KMT2A: variants seen among roughly 807,000 people sequenced by gnomAD.
The protein encoded by KMT2A is lysine methyltransferase 2A.
KMT2A carries 16 observed loss-of-function variants against 345.3 expected under a neutral mutation model. That is an observed-to-expected ratio of 0.05 (90% CI 0.03 to 0.07). The LOEUF (loss-of-function observed/expected upper bound fraction) is 0.07, where lower values mean the gene tolerates loss of function less well. Among genes scored for constraint, KMT2A ranks in the 10% least tolerant of loss-of-function variants. The pLI is 1.00. For missense variants in KMT2A, 3,272 were observed against 4,841.6 expected (o/e 0.68, Z 9.62); for synonymous variants, 1,599 against 1,778.6 (o/e 0.90, Z 2.54).
chr11:118,466,934 A>G (rs1284560961), intron 1 of KMT2A, among the ~76,000 whole-genome samples: 2 of 152,088 alleles, frequency 1.3e-5, no homozygotes, highest in East Asian at 3.9e-4. Flanking sequence ...TGGTGCATGT[A>G]TGTAGTCCGA....
intron 1 of KMT2A, among the ~76,000 whole-genome samples, chr11:118,437,961 C>G (rs1032436340): frequency 6.6e-6 from 1 of 152,116 alleles, no homozygotes; most frequent in Non-Finnish European, 1.5e-5. Context: ...AGCTGCTCTC[C>G]TACCCCACCC....
In KMT2A at chr11:118,519,489, C is replaced by G. The variant is rs1048364550; in HGVS notation, c.11147-129C>G. 6 of 693,102 alleles carry G rather than the reference C, an allele frequency of 8.7e-6. No homozygotes were observed. The South Asian group carries it at 1.4e-4, about 16-fold the overall frequency. The allele number at this position is 693,102 out of a possible 1,614,324, so 42.9% of individuals were successfully genotyped here. On this transcript the variant is annotated intron_variant, in intron 31 of 35. Coordinates refer to ENST00000534358, the MANE Select transcript of KMT2A (RefSeq NM_001197104.2). ...ATGGCTATCTGATGCTAATTTCGAGCTAATATGTACTATAATTCACCCTGG... is the reference window on the plus strand; with the variant it reads ...ATGGCTATCTGATGCTAATTTCGAGGTAATATGTACTATAATTCACCCTGG...
chr11:118,448,416 T>C (rs1375238688), intron 1 of KMT2A: 2 of 152,192 alleles, frequency 1.3e-5, no homozygotes, highest in Non-Finnish European at 2.9e-5. Flanking sequence ...CCTTGGCTTT[T>C]GAGGCTGTGT....
At chr11:118,511,698 T>A (rs1233617637) in intron 30 of KMT2A, among the ~76,000 whole-genome samples, 1 of 152,214 alleles carries the variant, frequency 6.6e-6, no homozygotes, top group African/African-American at 2.4e-5. Context: ...AGAGTTCATT[T>A]CAGAAGGTCT....
At position 118,485,910 on chromosome 11, in the gene KMT2A, G is replaced by A. The variant is rs189551520; in HGVS notation, c.4332+935G>A. 7.2e-3 allele frequency among the ~76,000 whole-genome samples: 1,101 copies of A among 151,986 alleles called. 17 individuals are homozygous for A. Among genetic ancestry groups the A allele is most frequent in the African/African-American group, 0.024 (1,013 of 41,468 alleles). ...ATCCTGGCTAACACAGTGAAACCCC[G>A]TCTCTATTAAAAATACAAAAAAATT... is the stretch of plus-strand genomic sequence containing the variant. On this transcript the variant is annotated intron_variant, in intron 10 of 35. Coordinates refer to ENST00000534358, the MANE Select transcript of KMT2A (RefSeq NM_001197104.2).
At chr11:118,488,476 A>G (rs782302975) in intron 10 of KMT2A, 138 bp from the exon 11 acceptor site, 2 of 853,316 alleles carry the variant, frequency 2.3e-6, no homozygotes, top group African/African-American at 3.3e-5. Context: ...TTACATAGTC[A>G]TTGCTTAATG....
At chr11:118,514,490 G>C (rs541880219) in intron 31 of KMT2A, among the ~76,000 whole-genome samples, 16 of 151,812 alleles carry the variant, frequency 1.1e-4, no homozygotes, top group Admixed American at 9.8e-4. Context: ...ACCCAGGCTG[G>C]AGTGCAGTGG....
chr11:118,459,784 T>C (rs1434279984), intron 1 of KMT2A, among the ~76,000 whole-genome samples: 2 of 141,190 alleles, frequency 1.4e-5, no homozygotes, highest in Non-Finnish European at 3.0e-5. Context: ...CGCCCCGGGT[T>C]CAAGCAATTC....
chr11:118,521,836 T>C lies in KMT2A; in HGVS notation c.11644-61T>C. ...GTAACATCAAGAGAAGATTGGGACA[T>C]GTTCTTAAAGCTGAGTTTATAAGAA... On this transcript the variant is annotated intron_variant, in intron 35 of 35. Transcript: ENST00000534358. This position sits in a 1 kb window ranked among gnomAD's most constrained non-coding sequence, Gnocchi z 5.3. The C allele has an allele frequency of 3.9e-6, 6 of 1,545,574 alleles. No homozygotes were observed. In the South Asian group the frequency reaches 4.6e-5, roughly 12 times the overall value.
intron 1 of KMT2A, chr11:118,449,313 T>C (rs904225232): frequency 4.3e-5 from 6 of 139,850 alleles, no homozygotes; most frequent in African/African-American, 1.5e-4. Context: ...ATACCAGCAC[T>C]GTGGGAGGCT....
intron 6 of KMT2A, among the ~76,000 whole-genome samples, chr11:118,481,343 C>T (rs1950128409): frequency 6.6e-6 from 1 of 152,176 alleles, no homozygotes; most frequent in African/African-American, 2.4e-5. Flanking sequence ...TGAGTGAGAG[C>T]ATGTGATGTT....
At chr11:118,438,693 T>C (rs782701399) in intron 1 of KMT2A, among the ~76,000 whole-genome samples, 1 of 151,810 alleles carries the variant, frequency 6.6e-6, no homozygotes, top group Non-Finnish European at 1.5e-5. Flanking sequence ...AGGGAGGAGA[T>C]CCCAAGGACC....
Position 118,494,774 on chromosome 11 carries a change from G to A in KMT2A, c.5363+7G>A. ...CAAATAAAGTATCAAGCAAGTAAGTGAATTTAGCATAACTTTTTTTTCTCC... is the reference window on the plus strand; with the variant it reads ...CAAATAAAGTATCAAGCAAGTAAGTAAATTTAGCATAACTTTTTTTTCTCC... On this transcript the variant is annotated splice_region_variant and intron_variant, in intron 18 of 35. Coordinates refer to ENST00000534358, the MANE Select transcript of KMT2A (RefSeq NM_001197104.2). This position sits in a 1 kb window ranked among gnomAD's most constrained non-coding sequence, Gnocchi z 5.8. 6.2e-6 allele frequency: 10 copies of A among 1,609,452 alleles called. No individual in the cohort carries two copies. The highest frequency in any genetic ancestry group is 8.5e-6 in the Non-Finnish European group (10 of 1,176,074).
rs1011569761 is a variant in KMT2A at position 118,521,891 on chromosome 11, G to A, written c.11644-6G>A. ...CAAGTTCTTCTCCCTTCTTCTGCAT[G>A]TGCAGGGCATTGGTTGCTATATGTT... On this transcript the variant is annotated splice_region_variant and splice_polypyrimidine_tract_variant and intron_variant, in intron 35 of 35. Coordinates refer to ENST00000534358, the MANE Select transcript of KMT2A (RefSeq NM_001197104.2). The surrounding 1 kb of genome is among the most constrained non-coding windows in gnomAD (Gnocchi z 5.3). 1.9e-6 allele frequency: 3 copies of A among 1,609,454 alleles called. No homozygotes were observed. Among genetic ancestry groups the A allele is most frequent in the Non-Finnish European group, 2.6e-6 (3 of 1,176,110 alleles).
Position 118,509,213 on chromosome 11 carries a change from G to A in KMT2A, c.10900+13G>A, listed in dbSNP as rs782447123. The A allele has an allele frequency of 9.3e-6, 15 of 1,606,020 alleles. No homozygotes were observed. The highest frequency in any genetic ancestry group is 1.1e-5 in the Non-Finnish European group (13 of 1,173,168). On this transcript the variant is annotated intron_variant, in intron 29 of 35. Coordinates refer to ENST00000534358, the MANE Select transcript of KMT2A (RefSeq NM_001197104.2). ...CAAGAAAGTGCAGGTATGTGGGTGG[G>A]TAAAAGGTTAGAATCAGAGAATATC...
rs1169674965 is a variant in KMT2A at position 118,497,960 on chromosome 11, G to A, written c.5689G>A (p.Gly1897Ser). The A allele has an allele frequency of 6.2e-7, 1 of 1,607,556 alleles. No individual in the cohort carries two copies. The highest frequency in any genetic ancestry group is 8.5e-7 in the Non-Finnish European group (1 of 1,175,274). Reference protein sequence around the residue: ...ANDAGRLLYIGQNEWTHVNCA... With the variant: ...ANDAGRLLYISQNEWTHVNCA... ...GGATGCTGGTCGTTTACTATATATT[G>A]GCCAAAATGAGTGGACACATGTAAA... Residue 1897 changes from glycine (G) to serine (S), a missense_variant, in exon 21 of 36, where the codon GGC becomes AGC. By Grantham distance (56) the Gly-to-Ser change is moderately conservative. Coordinates refer to ENST00000534358, the MANE Select transcript of KMT2A (RefSeq NM_001197104.2). The surrounding 1 kb of genome is among the most constrained non-coding windows in gnomAD (Gnocchi z 4.8).
intron 15 of KMT2A, 127 bp downstream of exon 15, chr11:118,492,055 A>T: frequency 1.5e-6 from 1 of 671,314 alleles, no homozygotes. Flanking sequence ...AACCATTAGG[A>T]AAATATTTAG....
chr11:118,505,150 G>T lies in KMT2A; in HGVS notation c.9258G>T (p.Gln3086His), dbSNP rs200739718. ...CTGAGAAACTCATAGTTGTTAACCA[G>T]AACATGCAGCCACTTTATGTTCTCC... ...PATEKLIVVN[Q>H]NMQPLYVLQT... is the part of the protein sequence containing the mutation. Residue 3086 changes from glutamine (Q) to histidine (H), a missense_variant, in exon 27 of 36, where the codon CAG becomes CAT. Gln to His is a conservative substitution (Grantham distance 24). This residue lies in a region of KMT2A where 748 missense variants were observed against 922.2 expected (regional missense o/e 0.81). Transcript: ENST00000534358. This position sits in a 1 kb window ranked among gnomAD's most constrained non-coding sequence, Gnocchi z 4.6. The T allele has an allele frequency of 6.8e-5, 109 of 1,613,976 alleles. No homozygotes were observed. The highest frequency in any genetic ancestry group is 9.1e-5 in the Non-Finnish European group (107 of 1,180,014).
intron 31 of KMT2A, 123 bp downstream of exon 31, chr11:118,512,148 A>G: frequency 8.1e-6 from 6 of 739,994 alleles, no homozygotes; most frequent in Non-Finnish European, 1.1e-5. Flanking sequence ...CTTTATTGAG[A>G]TTTAATTCAT....
Sources: gnomAD v4.1 joint callset for allele counts (sites outside exome capture counted in the v4.1 genomes callset) on GRCh38, gnomAD v4.1.1 for gene constraint, gnomAD v4.1.1 regional missense constraint, Gnocchi (gnomAD v3.1) non-coding constraint, MANE v1.5 for transcripts, NCBI Gene and HGNC (gene_info 2026-07-23, HGNC 2026-07-21) for gene names.